EXOC4: variants seen among roughly 807,000 people sequenced by gnomAD.
The protein encoded by EXOC4 is exocyst complex component 4, also known as SEC8-like 1.
In EXOC4, 71 loss-of-function variants were observed where a neutral mutation model predicts 107.2. The ratio of observed to expected loss-of-function variants is 0.66; its 90% CI spans 0.55 to 0.81. The LOEUF (loss-of-function observed/expected upper bound fraction) is 0.81, where lower values mean the gene tolerates loss of function less well. EXOC4 is among the 30% of genes least tolerant of loss of function. The probability of loss-of-function intolerance (pLI) is 0.00; values close to 1 mark genes in which losing one functional copy is unlikely to be tolerated. For missense variants in EXOC4, 1,108 were observed against 1,189.6 expected (o/e 0.93, Z 1.01); for synonymous variants, 456 against 441.2 (o/e 1.03, Z -0.42).
intron 2 of EXOC4, among the ~76,000 whole-genome samples, chr7:133,276,448 TC>T (rs774442022): frequency 2.6e-5 from 4 of 152,226 alleles, no homozygotes; most frequent in Middle Eastern, 3.2e-3. Context: ...TTATGTCCAA[TC>T]ATCTCAATGA....
intron 9 of EXOC4, among the ~76,000 whole-genome samples, chr7:133,555,353 T>G (rs1247363391): frequency 6.6e-6 from 1 of 152,206 alleles, no homozygotes; most frequent in African/African-American, 2.4e-5. Flanking sequence ...TATAGTAGTT[T>G]TTGAGTAATA....
At chr7:134,036,592 G>A (rs575795969) in intron 17 of EXOC4, among the ~76,000 whole-genome samples, 26 of 151,072 alleles carry the variant, frequency 1.7e-4, no homozygotes, top group Non-Finnish European at 3.2e-4. Context: ...TGTCTCAAAA[G>A]AAAAAAAAGA....
At chr7:133,623,874 A>C (rs1802390506) in intron 9 of EXOC4, among the ~76,000 whole-genome samples, 2 of 152,174 alleles carry the variant, frequency 1.3e-5, no homozygotes, top group Admixed American at 6.5e-5. Context: ...TTAAGCCATA[A>C]TGATCGCATG....
intron 5 of EXOC4, among the ~76,000 whole-genome samples, chr7:133,354,218 T>C (rs2150653133): frequency 6.6e-6 from 1 of 152,270 alleles, no homozygotes; most frequent in East Asian, 1.9e-4. Flanking sequence ...TGATTTTTTG[T>C]TGTTGTTGAA....
intron 14 of EXOC4, among the ~76,000 whole-genome samples, chr7:133,991,329 C>G (rs1211749565): frequency 6.6e-6 from 1 of 151,876 alleles, no homozygotes; most frequent in African/African-American, 2.4e-5. Flanking sequence ...GTTTGAGTCC[C>G]TTACATATTC....
intron 6 of EXOC4, among the ~76,000 whole-genome samples, chr7:133,363,392 A>T (rs1584853670): frequency 1.3e-5 from 2 of 152,216 alleles, no homozygotes; most frequent in Admixed American, 6.5e-5. Flanking sequence ...GTAAGACTTA[A>T]ATAAATTAAT....
At chr7:134,017,323 T>C (rs899736163) in intron 17 of EXOC4, among the ~76,000 whole-genome samples, 2 of 152,174 alleles carry the variant, frequency 1.3e-5, no homozygotes, top group Admixed American at 6.5e-5. Flanking sequence ...ATCTCTTAAA[T>C]TTAATAGTGA....
At chr7:133,496,985 G>C (rs1175241049) in intron 9 of EXOC4, among the ~76,000 whole-genome samples, 1 of 152,168 alleles carries the variant, frequency 6.6e-6, no homozygotes, top group Non-Finnish European at 1.5e-5. Flanking sequence ...GTGCTCTTCT[G>C]TTAGCCTCAA....
chr7:133,658,988 A>T (rs1803366578), intron 10 of EXOC4, among the ~76,000 whole-genome samples: 2 of 137,558 alleles, frequency 1.5e-5, no homozygotes, highest in South Asian at 5.1e-4. Flanking sequence ...TTTGGTGAAG[A>T]CTTCAGAGAA....
intron 14 of EXOC4, among the ~76,000 whole-genome samples, chr7:133,968,898 C>G (rs951786141): frequency 2.0e-5 from 3 of 152,136 alleles, no homozygotes; most frequent in African/African-American, 7.2e-5. Context: ...TCTTGCTAGG[C>G]TGGGGAAGTT....
intron 11 of EXOC4, among the ~76,000 whole-genome samples, chr7:133,854,149 TG>T (rs1798298198): frequency 6.6e-6 from 1 of 152,000 alleles, no homozygotes; most frequent in South Asian, 2.1e-4. Context: ...CATTTGGCTG[TG>T]GGGAGAGGCC....
At chr7:133,813,575 T>C (rs545212797) in intron 10 of EXOC4, among the ~76,000 whole-genome samples, 2 of 152,090 alleles carry the variant, frequency 1.3e-5, no homozygotes, top group Admixed American at 1.3e-4. Context: ...ACAGAAGGGG[T>C]CATCGCAGCA....
chr7:133,539,233 A>C (rs2150929537), intron 9 of EXOC4, among the ~76,000 whole-genome samples: 1 of 152,216 alleles, frequency 6.6e-6, no homozygotes, highest in East Asian at 1.9e-4. Context: ...TGGACAGAGC[A>C]GCATTCTTTC....
At position 133,815,764 on chromosome 7, in the gene EXOC4, C is replaced by T. The variant is rs185597366; in HGVS notation, c.1515-1561C>T. ...CTCTGCATCCCTTTGGTCACAACCA[C>T]CTTCCTCATTTGTGCTGGCCTTCAG... On this transcript the variant is annotated intron_variant, in intron 10 of 17. Transcript: ENST00000253861. Among the ~76,000 whole-genome samples the T allele has an allele frequency of 3.3e-5, 5 of 152,322 alleles. No individual in the cohort carries two copies. The East Asian group carries it at 9.6e-4, about 29-fold the overall frequency.
At chr7:133,325,463 C>G (rs1795216186) in intron 5 of EXOC4, among the ~76,000 whole-genome samples, 1 of 152,170 alleles carries the variant, frequency 6.6e-6, no homozygotes, top group African/African-American at 2.4e-5. Flanking sequence ...TTCTCCTTCA[C>G]TTTTGAAGCT....
intron 14 of EXOC4, among the ~76,000 whole-genome samples, chr7:133,957,178 T>C (rs1243619404): frequency 6.6e-6 from 1 of 152,212 alleles, no homozygotes; most frequent in Non-Finnish European, 1.5e-5. Context: ...TAGAGATTAA[T>C]TTGTAGCATG....
At chr7:133,872,943 G>T (rs1798778714) in intron 11 of EXOC4, among the ~76,000 whole-genome samples, 1 of 152,188 alleles carries the variant, frequency 6.6e-6, no homozygotes, top group Admixed American at 6.5e-5. Context: ...CCCTATCTCT[G>T]TTCTCCTCCG....
At chr7:133,965,112 G>C (rs775253947) in intron 14 of EXOC4, among the ~76,000 whole-genome samples, 18 of 152,108 alleles carry the variant, frequency 1.2e-4, no homozygotes, top group Non-Finnish European at 1.8e-4. Context: ...CTGTTTGTTG[G>C]CTGCATGAAT....
chr7:133,997,744 T>A (rs888340925), intron 15 of EXOC4, 111 bp downstream of exon 15: 1 of 1,239,912 alleles, frequency 8.1e-7, no homozygotes, highest in Non-Finnish European at 1.1e-6. Flanking sequence ...ATTATTGATG[T>A]TATCCCTTTT....
Sources: allele counts gnomAD v4.1 joint callset (sites outside exome capture counted in the v4.1 genomes callset), GRCh38; gene constraint gnomAD v4.1.1; transcripts MANE v1.5; gene names NCBI Gene and HGNC (gene_info 2026-07-23, HGNC 2026-07-21).